Variants in SIPA1L1 observed in about 807,000 individuals in gnomAD.
The protein encoded by SIPA1L1 is signal-induced proliferation-associated 1-like protein 1.
Under a neutral mutation model 162.7 loss-of-function variants are expected in SIPA1L1, and 26 were observed. That is an observed-to-expected ratio of 0.16 (90% CI 0.12 to 0.22). SIPA1L1 has a LOEUF of 0.22. SIPA1L1 is among the 10% of genes least tolerant of loss of function. The pLI is 1.00. For missense variants in SIPA1L1, 1,874 were observed against 2,241.0 expected (o/e 0.84, Z 3.31); for synonymous variants, 829 against 837.4 (o/e 0.99, Z 0.17).
At chr14:71,597,241 C>G (rs1238934784) in intron 5 of SIPA1L1, among the ~76,000 whole-genome samples, 1 of 152,112 alleles carries the variant, frequency 6.6e-6, no homozygotes, top group African/African-American at 2.4e-5. Flanking sequence ...CTCAGCCTCC[C>G]AAAGAGCTGA....
intron 4 of SIPA1L1, among the ~76,000 whole-genome samples, chr14:71,551,909 A>G (rs1025281439): frequency 2.0e-5 from 3 of 152,036 alleles, no homozygotes; most frequent in Non-Finnish European, 4.4e-5. Context: ...TGACTACTTC[A>G]CAAAGAGGCC....
At chr14:71,424,703 T>G (rs1418505194) in intron 2 of SIPA1L1, among the ~76,000 whole-genome samples, 1 of 152,130 alleles carries the variant, frequency 6.6e-6, no homozygotes, top group Non-Finnish European at 1.5e-5. Context: ...TGCATCGGTA[T>G]TCATTAGAGA....
chr14:71,455,599 A>G (rs1053118520), intron 2 of SIPA1L1, among the ~76,000 whole-genome samples: 2 of 152,180 alleles, frequency 1.3e-5, no homozygotes, highest in Non-Finnish European at 2.9e-5. Context: ...AATGTTTACC[A>G]TTATTATTTA....
chr14:71,366,194 C>T (rs898630190), intron 2 of SIPA1L1, among the ~76,000 whole-genome samples: 1 of 152,084 alleles, frequency 6.6e-6, no homozygotes, highest in Non-Finnish European at 1.5e-5. Flanking sequence ...CAGATAATTA[C>T]TGTTGTGGAG....
At chr14:71,371,603 TTGTC>T (rs1400877679) in intron 2 of SIPA1L1, among the ~76,000 whole-genome samples, 1 of 152,098 alleles carries the variant, frequency 6.6e-6, no homozygotes, top group Non-Finnish European at 1.5e-5. Context: ...TTTCACCCTG[TTGTC>T]CAGGCTGGTC....
chr14:71,484,848 C>G (rs935666687), intron 2 of SIPA1L1, among the ~76,000 whole-genome samples: 1 of 152,178 alleles, frequency 6.6e-6, no homozygotes, highest in African/African-American at 2.4e-5. Flanking sequence ...AATGGAATTA[C>G]TTTGCTTAAT....
chr14:71,562,763 C>A (rs896846847), intron 4 of SIPA1L1, among the ~76,000 whole-genome samples: 1 of 152,182 alleles, frequency 6.6e-6, no homozygotes, highest in African/African-American at 2.4e-5. Context: ...AAGCAATTCT[C>A]CTGCCTCAGC....
In SIPA1L1 at chr14:71,661,306, G is replaced by A. The variant is rs191703235; in HGVS notation, c.2098-4G>A. On this transcript the variant is annotated splice_polypyrimidine_tract_variant and splice_region_variant and intron_variant, in intron 9 of 23. Transcript: ENST00000381232. ...TTATGTTGGTTGCTTATTTTTTCTT[G>A]TAGCTCCTGAGGAAGCGGCACATTG... 1.9e-6 allele frequency: 3 copies of A among 1,609,100 alleles called. No individual in the cohort carries two copies. In the East Asian group the frequency reaches 6.7e-5, roughly 36 times the overall value.
At chr14:71,674,570 G>GTTTTTTTTT (rs146359962) in intron 12 of SIPA1L1, among the ~76,000 whole-genome samples, 2 of 114,214 alleles carry the variant, frequency 1.8e-5, no homozygotes, top group African/African-American at 3.3e-5. Context: ...GTTTTTTTTT[G>GTTTTTTTTT]TTTTTTTTTT....
At position 71,588,581 on chromosome 14, in the gene SIPA1L1, G is replaced by A; in HGVS notation, c.709G>A (p.Gly237Ser). The change falls in exon 5 of 24, where the codon GGT (glycine) becomes AGT (serine). Residue 237 changes from glycine to serine, a missense_variant. Around this residue, in one of 5 missense-constraint regions of SIPA1L1, gnomAD observed 685 missense variants for 828.0 expected, o/e 0.83. Transcript: ENST00000381232. The surrounding 1 kb of genome is among the most constrained non-coding windows in gnomAD (Gnocchi z 4.3). ...KGYKDDKSDR[G>S]PTPTKLSDFL... Reference sequence around the variant, plus strand: ...CTACAAAGATGACAAATCTGATCGAGGTCCAACTCCAACCAAGCTCAGTGA... The same window carrying A: ...CTACAAAGATGACAAATCTGATCGAAGTCCAACTCCAACCAAGCTCAGTGA... 6.2e-7 allele frequency: 1 copy of A among 1,614,008 alleles called. No homozygotes were observed. Among genetic ancestry groups the A allele is most frequent in the Non-Finnish European group, 8.5e-7 (1 of 1,179,962 alleles).
chr14:71,739,200 C>A lies in SIPA1L1; in HGVS notation c.*39C>A. On this transcript the variant is annotated 3_prime_UTR_variant, in exon 24 of 24. Transcript: ENST00000381232. ...GGACAGGAGAAGGGCCCAGACACTC[C>A]CTCCAGTGAGTGTCCTGCAGCCCTT... The A allele has an allele frequency of 6.4e-7, 1 of 1,571,256 alleles. No individual in the cohort carries two copies. The highest frequency in any genetic ancestry group is 1.8e-5 in the Admixed American group (1 of 56,400).
At chr14:71,382,521 T>TA (rs2039988459) in intron 2 of SIPA1L1, among the ~76,000 whole-genome samples, 1 of 152,236 alleles carries the variant, frequency 6.6e-6, no homozygotes, top group African/African-American at 2.4e-5. Flanking sequence ...GTTTAGCCAG[T>TA]AGCAGTCCGA....
intron 2 of SIPA1L1, among the ~76,000 whole-genome samples, chr14:71,495,886 CAAAAAAAA>C (rs61183823): frequency 1.3e-4 from 5 of 38,020 alleles, no homozygotes; most frequent in East Asian, 5.1e-4. Flanking sequence ...TCCATCTCTA[CAAAAAAAA>C]AAAAAAAAAA....
intron 2 of SIPA1L1, among the ~76,000 whole-genome samples, chr14:71,511,414 A>C (rs564289873): frequency 1.5e-4 from 23 of 152,004 alleles, no homozygotes; most frequent in African/African-American, 3.9e-4. Flanking sequence ...CCTCCCTAGT[A>C]GCTGAGACTA....
At chr14:71,643,779 C>A (rs2041925534) in intron 7 of SIPA1L1, among the ~76,000 whole-genome samples, 1 of 152,188 alleles carries the variant, frequency 6.6e-6, no homozygotes, top group Non-Finnish European at 1.5e-5. Context: ...TGATATAACA[C>A]CAAAACTCAA....
intron 2 of SIPA1L1, among the ~76,000 whole-genome samples, chr14:71,489,782 G>A (rs370218788): frequency 2.6e-5 from 4 of 152,098 alleles, no homozygotes; most frequent in Non-Finnish European, 2.9e-5. Context: ...GTGTTGTGCC[G>A]CATTCAAAGC....
chr14:71,364,182 G>C (rs2038067244), intron 2 of SIPA1L1, among the ~76,000 whole-genome samples: 1 of 152,180 alleles, frequency 6.6e-6, no homozygotes, highest in Admixed American at 6.5e-5. Flanking sequence ...CAGTCATGTG[G>C]CTTCTGGCAA....
chr14:71,601,441 C>T (rs2036736184), intron 5 of SIPA1L1, among the ~76,000 whole-genome samples: 1 of 152,032 alleles, frequency 6.6e-6, no homozygotes, highest in African/African-American at 2.4e-5. Context: ...GAGATAAATC[C>T]CACTTGGTTA....
At chr14:71,595,289 T>C (rs1279160563) in intron 5 of SIPA1L1, among the ~76,000 whole-genome samples, 2 of 152,252 alleles carry the variant, frequency 1.3e-5, no homozygotes, top group African/African-American at 4.8e-5. Flanking sequence ...CATTGTGTCA[T>C]TCATCAGCCC....
Sources: allele counts gnomAD v4.1 joint callset (sites outside exome capture counted in the v4.1 genomes callset), GRCh38; gene constraint gnomAD v4.1.1; regional missense constraint gnomAD v4.1.1; non-coding constraint Gnocchi (gnomAD v3.1); transcripts MANE v1.5; gene names NCBI Gene and HGNC (gene_info 2026-07-23, HGNC 2026-07-21).